The following TAF8 variants were observed in gnomAD, a reference collection of about 807,000 sequenced individuals.
TAF8 encodes the protein transcription initiation factor TFIID subunit 8.
Under a neutral mutation model 36.5 loss-of-function variants are expected in TAF8, and 47 were observed. The ratio of observed to expected loss-of-function variants is 1.29; its 90% CI spans 1.02 to 1.64. The LOEUF is 1.64. Ranked by LOEUF, TAF8 falls within the 40% of genes most tolerant of loss-of-function variation. The pLI, the probability that TAF8 is intolerant of heterozygous loss-of-function variation, is 0.00. For synonymous variants in TAF8, 175 were observed against 159.5 expected, an observed-to-expected ratio of 1.10 and a Z score of -0.73; for missense variants, 420 against 407.6, an observed-to-expected ratio of 1.03 and a Z score of -0.26.
chr6:42,068,677 C>T, intron 7 of TAF8, 70 bp downstream of exon 7: 1 of 1,578,930 alleles, frequency 6.3e-7, no homozygotes, highest in East Asian at 2.2e-5. Context: ...GTCTGTCACC[C>T]TGGGACCTGG....
In TAF8 at chr6:42,081,973, T is replaced by C. The variant is rs1467107911; in HGVS notation, c.*4428T>C. ...GAGATCCTATGTACCCATCACCCAC[T>C]TTCTCCCAGTGGTAGCATCTTGCAT... On this transcript the variant is annotated 3_prime_UTR_variant, in exon 9 of 9. Transcript: ENST00000372977. 1 of 152,266 alleles carries C rather than the reference T, an allele frequency of 6.6e-6. No homozygotes were observed. The highest frequency in any genetic ancestry group is 1.5e-5 in the Non-Finnish European group (1 of 68,052). The allele number at this position is 152,266 out of a possible 1,614,324, so 9.4% of individuals were successfully genotyped here.
rs759402564 is a variant in TAF8, at chr6:42,077,578, C to T, written c.*33C>T. ...AGGAAACCTGGCTTGTACAGGGGCG[C>T]AGATTCCACCCTCCCGGGGAGTTAA... is the stretch of plus-strand genomic sequence containing the variant. On this transcript the variant is annotated 3_prime_UTR_variant, in exon 9 of 9. Coordinates refer to ENST00000372977, the MANE Select transcript of TAF8 (RefSeq NM_138572.3). The T allele has an allele frequency of 6.2e-7, 1 of 1,611,114 alleles. No individual in the cohort carries two copies. Among genetic ancestry groups the T allele is most frequent in the Non-Finnish European group, 8.5e-7 (1 of 1,178,740 alleles).
chr6:42,062,704 ATT>A (rs1026637690), intron 5 of TAF8, among the ~76,000 whole-genome samples: 1 of 144,664 alleles, frequency 6.9e-6, no homozygotes. Flanking sequence ...AGCCTGGCTA[ATT>A]TTTTTTTTTT....
chr6:42,053,335 G>A (rs1249241172), intron 2 of TAF8, among the ~76,000 whole-genome samples: 1 of 152,144 alleles, frequency 6.6e-6, no homozygotes, highest in Non-Finnish European at 1.5e-5. Context: ...GGCCGAGGCG[G>A]GTATATCGCC....
chr6:42,057,623 C>T, intron 5 of TAF8, 110 bp downstream of exon 5: 1 of 1,452,170 alleles, frequency 6.9e-7, no homozygotes, highest in East Asian at 2.4e-5. Context: ...AAGAGTGGTT[C>T]AAAACTCAGA....
chr6:42,050,938 C>G, intron 1 of TAF8: 1 of 1,126,246 alleles, frequency 8.9e-7, no homozygotes, highest in Non-Finnish European at 1.1e-6. Context: ...ATCTTTTGCC[C>G]TCCTCTCCTC....
rs530360469 is a variant in TAF8 at position 42,069,977 on chromosome 6, C to T, written c.780+1370C>T. 1.2e-3 allele frequency among the ~76,000 whole-genome samples: 185 copies of T among 152,180 alleles called. 1 individual carries two copies. The highest frequency in any genetic ancestry group is 4.3e-3 in the African/African-American group (180 of 41,508). The stretch of plus-strand genomic sequence containing the variant: ...TAGCTGTGTCCAAAGCTGTGGGTGG[C>T]TCCAATGGTAGGAGGACTGAGAATT... On this transcript the variant is annotated intron_variant, in intron 7 of 8. Transcript: ENST00000372977.
chr6:42,051,683 G>C (rs910325004), intron 2 of TAF8, 170 bp downstream of exon 2: 51 of 633,888 alleles, frequency 8.0e-5, no homozygotes, highest in Non-Finnish European at 1.1e-4. Flanking sequence ...ACAATGGGCC[G>C]AGCGTGGTGG....
intron 3 of TAF8, 27 bp from the exon 4 acceptor site, chr6:42,055,925 A>C (rs1351820732): frequency 1.3e-6 from 2 of 1,498,922 alleles, no homozygotes; most frequent in African/African-American, 2.8e-5. Flanking sequence ...TGGTCTGGGC[A>C]GTGATTTTTG....
chr6:42,077,197 C>A lies in TAF8; in HGVS notation c.878C>A (p.Pro293His). 5 of 1,614,070 alleles carry A rather than the reference C, an allele frequency of 3.1e-6. No homozygotes were observed. Among genetic ancestry groups the A allele is most frequent in the Non-Finnish European group, 3.4e-6 (4 of 1,179,960 alleles). ...RNGEENIIDN[P>H]YLRPVKKPKI... The stretch of plus-strand genomic sequence containing the variant: ...GGGGAGGAGAACATCATCGATAACC[C>A]TTATCTGCGGCCGGTGAAGAAGCCC... The change falls in exon 8 of 9, where the codon CCT becomes CAT. Residue 293 changes from proline to histidine, a missense_variant. Transcript: ENST00000372977.
chr6:42,086,915 C>A, downstream of TAF8: 1 of 718,074 alleles, frequency 1.4e-6, no homozygotes, highest in Non-Finnish European at 2.4e-6. Context: ...GGTGACGGGC[C>A]AGGCGCAGCC....
At position 42,055,539 on chromosome 6, in the gene TAF8, G is replaced by A. The variant is rs919633649; in HGVS notation, c.211G>A (p.Glu71Lys). ...CTTTAATCCCCTCTTAGACATTTCAGAAATTGGGAGAAGTGCCAAGTCTTA... is the reference window on the plus strand; with the variant it reads ...CTTTAATCCCCTCTTAGACATTTCAAAAATTGGGAGAAGTGCCAAGTCTTA... ...LTEMLQSYIS[E>K]IGRSAKSYCE... Residue 71 changes from glutamate (E) to lysine (K), a missense_variant, in exon 3 of 9, where the codon GAA becomes AAA. Coordinates refer to ENST00000372977, the MANE Select transcript of TAF8 (RefSeq NM_138572.3). 3 of 1,613,412 alleles carry A rather than the reference G, an allele frequency of 1.9e-6. No homozygotes were observed. The highest frequency in any genetic ancestry group is 2.5e-6 in the Non-Finnish European group (3 of 1,179,452).
downstream of TAF8, chr6:42,086,630 A>G (rs777368611): frequency 5.2e-4 from 700 of 1,334,272 alleles, 1 homozygote; most frequent in Non-Finnish European, 7.1e-4. Flanking sequence ...CCCCTCTCCA[A>G]TGCCAGAAGC....
At chr6:42,068,813 A>G (rs1765456930) in intron 7 of TAF8, among the ~76,000 whole-genome samples, 2 of 152,178 alleles carry the variant, frequency 1.3e-5, no homozygotes, top group South Asian at 2.1e-4. Context: ...TCACTCGTTC[A>G]TTCAACAAAT....
At chr6:42,070,969 G>A (rs1043753574) in intron 7 of TAF8, among the ~76,000 whole-genome samples, 2 of 152,092 alleles carry the variant, frequency 1.3e-5, no homozygotes, top group African/African-American at 2.4e-5. Flanking sequence ...TTGTTTTAGG[G>A]TATACTTTCT....
intron 2 of TAF8, among the ~76,000 whole-genome samples, 183 bp from the exon 3 acceptor site, chr6:42,055,348 C>T (rs563391313): frequency 6.6e-6 from 1 of 152,292 alleles, no homozygotes; most frequent in Non-Finnish European, 1.5e-5. Context: ...CCTGTTGTTT[C>T]TACCTTTTGG....
At chr6:42,085,042 C>A (rs1342123313), downstream of TAF8, among the ~76,000 whole-genome samples, 3 of 152,212 alleles carry the variant, frequency 2.0e-5, no homozygotes, top group East Asian at 5.8e-4. Flanking sequence ...AAATATGCAA[C>A]CAGTGATACC....
At chr6:42,073,312 A>G (rs1447627110) in intron 7 of TAF8, among the ~76,000 whole-genome samples, 1 of 152,236 alleles carries the variant, frequency 6.6e-6, no homozygotes, top group Non-Finnish European at 1.5e-5. Context: ...AGCACCTAGT[A>G]TGTGCCAGAT....
Position 42,055,951 on chromosome 6 carries a change from G to T in TAF8, c.302-1G>T. 1 of 1,609,516 alleles carries T rather than the reference G, an allele frequency of 6.2e-7. No homozygotes were observed. Among genetic ancestry groups the T allele is most frequent in the South Asian group, 1.1e-5 (1 of 90,952 alleles). ...GTGATTTTTGTTTTCCTGTCTCTTA[G>T]GTTTCAATGTGGACACTCTCCCTGC... On this transcript the variant is annotated splice_acceptor_variant, in intron 3 of 8. Coordinates refer to ENST00000372977, the MANE Select transcript of TAF8 (RefSeq NM_138572.3). LOFTEE classifies it high-confidence loss of function.
Sources: gnomAD v4.1 joint callset for allele counts (sites outside exome capture counted in the v4.1 genomes callset) on GRCh38, gnomAD v4.1.1 for gene constraint, MANE v1.5 for transcripts, NCBI Gene and HGNC (gene_info 2026-07-23, HGNC 2026-07-21) for gene names.